The following RHOH variants were observed in gnomAD, a reference collection of about 807,000 sequenced individuals.
RHOH encodes rho-related GTP-binding protein RhoH.
Under a neutral mutation model 13.8 loss-of-function variants are expected in RHOH, and 6 were observed. That is an observed-to-expected ratio of 0.44 (90% CI 0.24 to 0.86). The LOEUF (loss-of-function observed/expected upper bound fraction) is 0.86, where lower values mean the gene tolerates loss of function less well. Among genes scored for constraint, RHOH ranks in the 40% least tolerant of loss-of-function variants. RHOH has a pLI of 0.24. For missense variants in RHOH, 147 were observed against 244.5 expected, an observed-to-expected ratio of 0.60 and a Z score of 2.66; for synonymous variants, 117 against 103.0, an observed-to-expected ratio of 1.14 and a Z score of -0.82.
rs4616763 is a variant in RHOH at position 40,245,991 on chromosome 4, C to A, written c.*2029C>A. 1 of 152,032 alleles carries A rather than the reference C, an allele frequency of 6.6e-6. No individual in the cohort carries two copies. Among genetic ancestry groups the A allele is most frequent in the Admixed American group, 6.6e-5 (1 of 15,256 alleles). 9.4% of individuals were successfully genotyped at this position (152,032 alleles called of 1,614,324 possible). On this transcript the variant is annotated 3_prime_UTR_variant, in exon 3 of 3. Coordinates refer to ENST00000381799, the MANE Select transcript of RHOH (RefSeq NM_004310.5). ...TCTCCAGGCGGTGGCTTGTACTCAC[C>A]TCTAAGTCACCCGCCTCCCTTGATT...
chr4:40,219,089 CAGTAT>C (rs1726220817), intron 1 of RHOH, among the ~76,000 whole-genome samples: 1 of 152,100 alleles, frequency 6.6e-6, no homozygotes, highest in South Asian at 2.1e-4. Context: ...TCATGGAGTA[CAGTAT>C]AGTATGCTGT....
chr4:40,224,379 T>C (rs1305540465), intron 1 of RHOH, among the ~76,000 whole-genome samples: 1 of 152,268 alleles, frequency 6.6e-6, no homozygotes, highest in Non-Finnish European at 1.5e-5. Context: ...TCTTGACTAC[T>C]TGTGTAGACA....
In RHOH at chr4:40,239,868, A is replaced by T. The variant is rs541899544; in HGVS notation, c.-330-2846A>T. 3.4e-5 allele frequency among the ~76,000 whole-genome samples: 5 copies of T among 147,192 alleles called. No individual in the cohort carries two copies. In the South Asian group the frequency reaches 1.1e-3, roughly 32 times the overall value. On this transcript the variant is annotated intron_variant, in intron 1 of 2. Coordinates refer to ENST00000381799, the MANE Select transcript of RHOH (RefSeq NM_004310.5). ...ACTCCAGCCTGAGCAACAGAGCGAG[A>T]CTCCGTCTCAAGAAAAAAAAAAAAA...
At chr4:40,234,947 T>C (rs939926156) in intron 1 of RHOH, among the ~76,000 whole-genome samples, 1 of 152,148 alleles carries the variant, frequency 6.6e-6, no homozygotes, top group South Asian at 2.1e-4. Context: ...CAAACAGAGA[T>C]GATCTATGTA....
intron 1 of RHOH, among the ~76,000 whole-genome samples, chr4:40,237,877 TAAC>T (rs968983494): frequency 1.3e-5 from 2 of 152,226 alleles, no homozygotes; most frequent in African/African-American, 2.4e-5. Context: ...CCTGCAATAA[TAAC>T]AATCGGTTAA....
At chr4:40,207,876 G>T (rs1230899684) in intron 1 of RHOH, among the ~76,000 whole-genome samples, 1 of 152,182 alleles carries the variant, frequency 6.6e-6, no homozygotes, top group Non-Finnish European at 1.5e-5. Context: ...CTGAGGCACA[G>T]AATTGCTTGA....
intron 1 of RHOH, among the ~76,000 whole-genome samples, chr4:40,216,434 A>G (rs1430656832): frequency 6.6e-6 from 1 of 152,052 alleles, no homozygotes; most frequent in African/African-American, 2.4e-5. Flanking sequence ...GCACCACTGC[A>G]CTCCAGCCTG....
chr4:40,219,296 C>T (rs1030974469), intron 1 of RHOH, among the ~76,000 whole-genome samples: 1 of 151,636 alleles, frequency 6.6e-6, no homozygotes, highest in African/African-American at 2.4e-5. Context: ...CCTGAAGTCC[C>T]AGCTACATGG....
At chr4:40,206,979 C>T (rs370985130) in intron 1 of RHOH, among the ~76,000 whole-genome samples, 4 of 152,052 alleles carry the variant, frequency 2.6e-5, no homozygotes, top group African/African-American at 7.2e-5. Flanking sequence ...GAGGCTGAAG[C>T]GGGCGGATCA....
At chr4:40,236,842 G>A (rs1328768140) in intron 1 of RHOH, among the ~76,000 whole-genome samples, 1 of 151,732 alleles carries the variant, frequency 6.6e-6, no homozygotes, top group African/African-American at 2.4e-5. Flanking sequence ...TTATATCTCT[G>A]CACATACACT....
At chr4:40,242,936 G>A (rs979668988) in intron 2 of RHOH, 102 bp downstream of exon 2, 13 of 162,590 alleles carry the variant, frequency 8.0e-5, no homozygotes, top group Non-Finnish European at 1.4e-4. Context: ...CTTCTTGACC[G>A]GGAGGCATTT....
upstream of RHOH, among the ~76,000 whole-genome samples, chr4:40,195,378 C>CTTCCTTCT (rs1723022616): frequency 7.5e-6 from 1 of 133,320 alleles, no homozygotes; most frequent in Non-Finnish European, 1.6e-5. Flanking sequence ...TCCTTCCTTC[C>CTTCCTTCT]TTCCTTCCTT....
chr4:40,226,837 G>A (rs1727303919), intron 1 of RHOH, among the ~76,000 whole-genome samples: 1 of 152,150 alleles, frequency 6.6e-6, no homozygotes, highest in Non-Finnish European at 1.5e-5. Context: ...AAAGGGAACA[G>A]GTGTTTAAAA....
At chr4:40,210,313 G>A (rs1725119301) in intron 1 of RHOH, among the ~76,000 whole-genome samples, 1 of 152,190 alleles carries the variant, frequency 6.6e-6, no homozygotes, top group Admixed American at 6.5e-5. Context: ...CAGGAATTCG[G>A]AGGTCTGCGT....
intron 1 of RHOH, among the ~76,000 whole-genome samples, chr4:40,241,748 G>A (rs536521105): frequency 2.6e-5 from 4 of 152,048 alleles, no homozygotes; most frequent in Non-Finnish European, 5.9e-5. Context: ...AAATTAGCCC[G>A]GTGTGGTGGC....
At chr4:40,212,371 T>C (rs1280322744) in intron 1 of RHOH, among the ~76,000 whole-genome samples, 1 of 152,150 alleles carries the variant, frequency 6.6e-6, no homozygotes, top group Admixed American at 6.5e-5. Flanking sequence ...ATTGATATTG[T>C]TGAGAGTTCA....
At chr4:40,202,754 A>C (rs1187382292) in intron 1 of RHOH, among the ~76,000 whole-genome samples, 1 of 152,178 alleles carries the variant, frequency 6.6e-6, no homozygotes, top group Non-Finnish European at 1.5e-5. Flanking sequence ...GGACTGAGAA[A>C]TAGCCCAGAG....
intron 1 of RHOH, among the ~76,000 whole-genome samples, chr4:40,238,993 T>C (rs566310421): frequency 6.6e-5 from 10 of 152,284 alleles, no homozygotes; most frequent in Admixed American, 6.5e-4. Flanking sequence ...ATCTGTCATG[T>C]CCTTATAGGG....
chr4:40,244,183 G>A lies in RHOH; in HGVS notation c.*221G>A. 1 of 443,432 alleles carries A rather than the reference G, an allele frequency of 2.3e-6. No individual in the cohort carries two copies. The highest frequency in any genetic ancestry group is 2.0e-5 in the African/African-American group (1 of 50,112). 27.5% of individuals were successfully genotyped at this position (443,432 alleles called of 1,614,324 possible). On this transcript the variant is annotated 3_prime_UTR_variant, in exon 3 of 3. Transcript: ENST00000381799. ...CAGGCCAGTTAGAAAATCCCTTGGGGAACTGTGATGAATATTCCATCTTTG... is the reference window on the plus strand; with the variant it reads ...CAGGCCAGTTAGAAAATCCCTTGGGAAACTGTGATGAATATTCCATCTTTG...
Sources: allele counts gnomAD v4.1 joint callset (sites outside exome capture counted in the v4.1 genomes callset), GRCh38; gene constraint gnomAD v4.1.1; transcripts MANE v1.5; gene names NCBI Gene and HGNC (gene_info 2026-07-23, HGNC 2026-07-21).